The following PDLIM5 variants were observed in gnomAD, a reference collection of about 807,000 sequenced individuals.
The protein encoded by PDLIM5 is PDZ and LIM domain protein 5.
Under a neutral mutation model 64.2 loss-of-function variants are expected in PDLIM5, and 34 were observed. The ratio of observed to expected loss-of-function variants is 0.53; its 90% CI spans 0.40 to 0.71. The LOEUF (loss-of-function observed/expected upper bound fraction) is 0.71. PDLIM5 is among the 30% of genes least tolerant of loss of function. The pLI, the probability that PDLIM5 is intolerant of heterozygous loss-of-function variation, is 0.00. For synonymous variants in PDLIM5, 253 were observed against 269.1 expected (o/e 0.94, Z 0.59); for missense variants, 683 against 733.6 (o/e 0.93, Z 0.80).
chr4:94,596,170 TC>T (rs1314340532), intron 7 of PDLIM5, among the ~76,000 whole-genome samples: 8 of 152,168 alleles, frequency 5.3e-5, no homozygotes, highest in Non-Finnish European at 7.4e-5. Flanking sequence ...GAAACATAGT[TC>T]CTATGTATTT....
At chr4:94,578,621 C>G (rs1288468555) in intron 5 of PDLIM5, among the ~76,000 whole-genome samples, 2 of 152,234 alleles carry the variant, frequency 1.3e-5, no homozygotes, top group Non-Finnish European at 1.5e-5. Context: ...ACACACTTTA[C>G]TAGTCAGTGA....
intron 2 of PDLIM5, among the ~76,000 whole-genome samples, chr4:94,519,305 A>G (rs1365624570): frequency 6.6e-6 from 1 of 152,194 alleles, no homozygotes; most frequent in Non-Finnish European, 1.5e-5. Context: ...AAGAATAAAC[A>G]ATAATATTGA....
chr4:94,608,819 A>T (rs116434091), intron 7 of PDLIM5, among the ~76,000 whole-genome samples: 1 of 152,132 alleles, frequency 6.6e-6, no homozygotes, highest in Admixed American at 6.5e-5. Flanking sequence ...TAACTTTATT[A>T]TTCCCTTTGA....
chr4:94,519,504 T>G (rs1057088084), intron 2 of PDLIM5, among the ~76,000 whole-genome samples: 3 of 152,182 alleles, frequency 2.0e-5, no homozygotes, highest in Non-Finnish European at 1.5e-5. Flanking sequence ...CATATTTGCC[T>G]GACTTCAAAG....
chr4:94,475,613 G>A (rs764872439), intron 2 of PDLIM5, among the ~76,000 whole-genome samples: 1 of 152,120 alleles, frequency 6.6e-6, no homozygotes, highest in Non-Finnish European at 1.5e-5. Context: ...CAGGGTTAAG[G>A]GGCAGGTGGA....
intron 3 of PDLIM5, 115 bp downstream of exon 3, chr4:94,523,990 A>G: frequency 1.5e-6 from 1 of 664,242 alleles, no homozygotes. Context: ...CATTTCAGGT[A>G]AATAAAAAAT....
Position 94,654,454 on chromosome 4 carries a change from TG to T in PDLIM5, c.1284-5del. On this transcript the variant is annotated splice_region_variant and splice_polypyrimidine_tract_variant and intron_variant, in intron 9 of 12. Coordinates refer to ENST00000317968, the MANE Select transcript of PDLIM5 (RefSeq NM_006457.5). ...AAACTTAGTTGGCCTCTTTTTCTTC[TG>T]TCAGAGGACCATTCTTAGTGGCACT... 1 of 1,590,988 alleles carries T rather than the reference TG, an allele frequency of 6.3e-7. No individual in the cohort carries two copies. The highest frequency in any genetic ancestry group is 8.6e-7 in the Non-Finnish European group (1 of 1,162,356).
At chr4:94,576,904 A>G (rs1735315812) in intron 5 of PDLIM5, among the ~76,000 whole-genome samples, 1 of 152,168 alleles carries the variant, frequency 6.6e-6, no homozygotes, top group South Asian at 2.1e-4. Flanking sequence ...CGGTTCAAAT[A>G]TAATGTTATC....
chr4:94,528,651 A>T (rs1730588931), intron 3 of PDLIM5, among the ~76,000 whole-genome samples: 1 of 152,184 alleles, frequency 6.6e-6, no homozygotes. Flanking sequence ...GCACTGTTAT[A>T]GATTTTGGGG....
intron 2 of PDLIM5, among the ~76,000 whole-genome samples, chr4:94,481,012 T>C (rs925399409): frequency 9.2e-5 from 14 of 152,222 alleles, no homozygotes; most frequent in African/African-American, 2.9e-4. Flanking sequence ...GCTGTTATTA[T>C]ATAGTATTTG....
rs1330179989 is a variant in PDLIM5, at chr4:94,665,028, T to C, written c.*961T>C. On this transcript the variant is annotated 3_prime_UTR_variant, in exon 13 of 13. Coordinates refer to ENST00000317968, the MANE Select transcript of PDLIM5 (RefSeq NM_006457.5). Reference sequence around the variant, plus strand: ...CCCAAAAATAAGCTACCATATAGCTTATAAGTCTCAAATTTTTGCCTTTTA... The same window carrying C: ...CCCAAAAATAAGCTACCATATAGCTCATAAGTCTCAAATTTTTGCCTTTTA... The C allele has an allele frequency of 3.1e-6, 3 of 982,646 alleles. No individual in the cohort carries two copies. In the East Asian group the frequency reaches 3.4e-4, roughly 111 times the overall value. 60.9% of individuals were successfully genotyped at this position (982,646 alleles called of 1,614,324 possible).
intron 7 of PDLIM5, among the ~76,000 whole-genome samples, chr4:94,608,675 A>G (rs1738123044): frequency 6.6e-6 from 1 of 152,176 alleles, no homozygotes; most frequent in African/African-American, 2.4e-5. Flanking sequence ...AGAAAAAATT[A>G]GCTGATTTAT....
At chr4:94,587,955 T>C (rs976195823) in intron 7 of PDLIM5, 14 of 981,042 alleles carry the variant, frequency 1.4e-5, no homozygotes, top group African/African-American at 5.2e-5. Context: ...TAAACTACTG[T>C]GCACTGCTGC....
At chr4:94,604,697 TA>T (rs921223435) in intron 7 of PDLIM5, among the ~76,000 whole-genome samples, 7 of 151,998 alleles carry the variant, frequency 4.6e-5, no homozygotes, top group East Asian at 1.9e-4. Flanking sequence ...TACCACAGGC[TA>T]GGGGGAGGGG....
intron 8 of PDLIM5, among the ~76,000 whole-genome samples, chr4:94,638,085 CAAG>C (rs1276727762): frequency 1.3e-5 from 2 of 151,968 alleles, no homozygotes; most frequent in African/African-American, 4.8e-5. Flanking sequence ...GTAATATGTG[CAAG>C]AAGAAGAAAT....
intron 9 of PDLIM5, among the ~76,000 whole-genome samples, chr4:94,652,226 T>A (rs1409760581): frequency 6.6e-6 from 1 of 152,194 alleles, no homozygotes; most frequent in African/African-American, 2.4e-5. Context: ...AGAAGCCAAA[T>A]AAGAATACTA....
intron 3 of PDLIM5, among the ~76,000 whole-genome samples, chr4:94,557,414 T>C (rs1320490017): frequency 6.6e-6 from 1 of 152,184 alleles, no homozygotes; most frequent in Non-Finnish European, 1.5e-5. Flanking sequence ...CATATGAACT[T>C]TAAAGTAGTT....
At chr4:94,618,451 A>G (rs562443754) in intron 8 of PDLIM5, among the ~76,000 whole-genome samples, 1 of 152,336 alleles carries the variant, frequency 6.6e-6, no homozygotes, top group Admixed American at 6.5e-5. Context: ...AATAGGAAGC[A>G]TGTGTTAAAT....
chr4:94,534,784 A>G (rs1048285682), intron 3 of PDLIM5, among the ~76,000 whole-genome samples: 1 of 152,200 alleles, frequency 6.6e-6, no homozygotes, highest in Non-Finnish European at 1.5e-5. Context: ...TTTCTTGGCA[A>G]CAAAATGGGT....
Sources: gnomAD v4.1 joint callset for allele counts (sites outside exome capture counted in the v4.1 genomes callset) on GRCh38, gnomAD v4.1.1 for gene constraint, MANE v1.5 for transcripts, NCBI Gene and HGNC (gene_info 2026-07-23, HGNC 2026-07-21) for gene names.